The following USP25 variants were observed in gnomAD, a reference collection of about 807,000 sequenced individuals.
USP25 encodes ubiquitin carboxyl-terminal hydrolase 25.
USP25 carries 85 observed loss-of-function variants against 158.5 expected under a neutral mutation model. The observed-to-expected ratio is 0.54, with a 90% CI of 0.45 to 0.64. The LOEUF (loss-of-function observed/expected upper bound fraction) is 0.64. Among genes scored for constraint, USP25 ranks in the 30% least tolerant of loss-of-function variants. The pLI is 0.00. For synonymous variants in USP25, 464 were observed against 460.4 expected, an observed-to-expected ratio of 1.01 and a Z score of -0.10; for missense variants, 1,242 against 1,327.3, an observed-to-expected ratio of 0.94 and a Z score of 1.00.
chr21:15,805,328 C>T, intron 7 of USP25, 70 bp downstream of exon 7: 3 of 1,370,720 alleles, frequency 2.2e-6, no homozygotes, highest in Non-Finnish European at 2.9e-6. Flanking sequence ...GCACCTTTCC[C>T]AAGAATATGA....
At chr21:15,857,581 T>G (rs1234119848) in intron 20 of USP25, among the ~76,000 whole-genome samples, 2 of 152,160 alleles carry the variant, frequency 1.3e-5, no homozygotes, top group African/African-American at 4.8e-5. Flanking sequence ...TTTATACGTT[T>G]ATTACACTGA....
In USP25 at chr21:15,818,780, A is replaced by T; in HGVS notation, c.1014A>T (p.Glu338Asp). The T allele has an allele frequency of 6.2e-7, 1 of 1,613,964 alleles. No individual in the cohort carries two copies. Among genetic ancestry groups the T allele is most frequent in the Non-Finnish European group, 8.5e-7 (1 of 1,179,862 alleles). Residue 338 changes from glutamate to aspartate, a missense_variant, in exon 10 of 26, where the codon GAA becomes GAT. Coordinates refer to ENST00000400183, the MANE Select transcript of USP25 (RefSeq NM_001283041.3). Reference sequence around the variant, plus strand: ...TCAAAGATCTGCATGAGTGCCTAGAAGCTGCAATGATTGAAGGAGAAATTG... The same window carrying T: ...TCAAAGATCTGCATGAGTGCCTAGATGCTGCAATGATTGAAGGAGAAATTG... ...NGFKDLHECL[E>D]AAMIEGEIES...
chr21:15,860,930 CAT>C (rs1180341860), intron 20 of USP25, among the ~76,000 whole-genome samples: 1 of 148,618 alleles, frequency 6.7e-6, no homozygotes. Flanking sequence ...CACATACTCA[CAT>C]ATATATATAT....
chr21:15,753,657 T>C (rs1193992527), intron 1 of USP25, among the ~76,000 whole-genome samples: 1 of 151,966 alleles, frequency 6.6e-6, no homozygotes, highest in African/African-American at 2.4e-5. Context: ...AAAATGTGCT[T>C]ATTAGTTGGC....
intron 20 of USP25, among the ~76,000 whole-genome samples, chr21:15,853,462 A>G (rs994470979): frequency 1.3e-5 from 2 of 152,062 alleles, no homozygotes; most frequent in Non-Finnish European, 2.9e-5. Flanking sequence ...CCAGTCTACC[A>G]TTTCTATTTG....
intron 1 of USP25, among the ~76,000 whole-genome samples, chr21:15,750,217 T>TTG (rs2032893881): frequency 9.7e-6 from 1 of 102,972 alleles, no homozygotes; most frequent in Admixed American, 9.0e-5. Context: ...TGTGTATGTT[T>TTG]TTTTTTTTTT....
intron 5 of USP25, among the ~76,000 whole-genome samples, chr21:15,798,654 A>C (rs2035979972): frequency 6.6e-6 from 1 of 151,372 alleles, no homozygotes; most frequent in Admixed American, 6.6e-5. Context: ...ATGAATGAAT[A>C]GATGATTTAT....
intron 1 of USP25, among the ~76,000 whole-genome samples, chr21:15,752,277 G>A (rs909875660): frequency 4.6e-5 from 7 of 151,382 alleles, no homozygotes; most frequent in South Asian, 2.1e-4. Flanking sequence ...GTGCAGTGGC[G>A]TGATCTCGAC....
chr21:15,876,809 A>G (rs183953203), intron 24 of USP25: 1 of 152,352 alleles, frequency 6.6e-6, no homozygotes, highest in Non-Finnish European at 1.5e-5. Context: ...TTCCAAAATC[A>G]AAATAAATTG....
chr21:15,781,005 G>A (rs1334071463), intron 4 of USP25, among the ~76,000 whole-genome samples: 2 of 152,254 alleles, frequency 1.3e-5, no homozygotes, highest in African/African-American at 4.8e-5. Flanking sequence ...ATCTGGAAAA[G>A]TAAGAAATAT....
intron 9 of USP25, among the ~76,000 whole-genome samples, chr21:15,817,223 A>C: frequency 6.6e-6 from 1 of 151,590 alleles, no homozygotes; most frequent in African/African-American, 2.4e-5. Flanking sequence ...TTCATGCCAG[A>C]ATTCTGTTAT....
intron 8 of USP25, among the ~76,000 whole-genome samples, chr21:15,809,200 G>A (rs1250293105): frequency 2.6e-5 from 4 of 152,280 alleles, no homozygotes; most frequent in South Asian, 2.1e-4. Context: ...ATCCTTTTAC[G>A]TAGAAGCATG....
rs1315719889 is a variant in USP25, at chr21:15,824,108, G to T, written c.1150G>T (p.Gly384Ter). The T allele has an allele frequency of 6.2e-7, 1 of 1,613,314 alleles. No homozygotes were observed. The highest frequency in any genetic ancestry group is 1.3e-5 in the African/African-American group (1 of 74,872). ...LSRFEFNQAL[G>*]RPEKIHNKLE... Reference sequence around the variant, plus strand: ...AAGATTTGAATTTAATCAGGCATTGGGAAGACCAGAAAAAATTCACAACAA... The same window carrying T: ...AAGATTTGAATTTAATCAGGCATTGTGAAGACCAGAAAAAATTCACAACAA... Residue 384 changes from glycine to a stop codon, truncating the protein, a stop_gained, in exon 11 of 26, where the codon GGA (glycine) becomes TGA (stop). Coordinates refer to ENST00000400183, the MANE Select transcript of USP25 (RefSeq NM_001283041.3). LOFTEE classifies it high-confidence loss of function.
chr21:15,860,928 C>T (rs989316617), intron 20 of USP25, among the ~76,000 whole-genome samples: 3 of 149,814 alleles, frequency 2.0e-5, no homozygotes, highest in Non-Finnish European at 4.4e-5. Flanking sequence ...TCCACATACT[C>T]ACATATATAT....
intron 3 of USP25, among the ~76,000 whole-genome samples, chr21:15,774,078 A>G (rs1415872986): frequency 6.6e-6 from 1 of 152,194 alleles, no homozygotes; most frequent in African/African-American, 2.4e-5. Context: ...ATTCTTTTTA[A>G]TGCTATACCC....
At chr21:15,820,766 G>A (rs2037191207) in intron 10 of USP25, among the ~76,000 whole-genome samples, 1 of 151,840 alleles carries the variant, frequency 6.6e-6, no homozygotes, top group South Asian at 2.1e-4. Flanking sequence ...GATAACAATA[G>A]CTTTTTCCTC....
intron 18 of USP25, 96 bp downstream of exon 18, chr21:15,842,636 G>C: frequency 6.9e-7 from 1 of 1,457,458 alleles, no homozygotes; most frequent in Non-Finnish European, 9.2e-7. Flanking sequence ...CAGGAGAGAC[G>C]GGGCCCAGTG....
At chr21:15,818,219 C>G (rs564341790) in intron 9 of USP25, among the ~76,000 whole-genome samples, 1 of 152,284 alleles carries the variant, frequency 6.6e-6, no homozygotes, top group African/African-American at 2.4e-5. Context: ...ACTAAGCTCC[C>G]ATTTTTATAC....
chr21:15,787,902 AC>A (rs5842545), intron 4 of USP25, among the ~76,000 whole-genome samples: 2,345 of 83,620 alleles, frequency 0.028, 54 homozygotes, highest in African/African-American at 0.069. Context: ...ACACCCCCTC[AC>A]CCCCCCCCCA....
Sources: gnomAD v4.1 joint callset for allele counts (sites outside exome capture counted in the v4.1 genomes callset) on GRCh38, gnomAD v4.1.1 for gene constraint, MANE v1.5 for transcripts, NCBI Gene and HGNC (gene_info 2026-07-23, HGNC 2026-07-21) for gene names.